The following KIRREL3 variants were observed in gnomAD, a reference collection of about 807,000 sequenced individuals.
KIRREL3 encodes kin of IRRE-like protein 3.
KIRREL3 carries 36 observed loss-of-function variants against 89.7 expected under a neutral mutation model. The ratio of observed to expected loss-of-function variants is 0.40; its 90% CI spans 0.31 to 0.53. KIRREL3 has a LOEUF of 0.53. Ranked by LOEUF, KIRREL3 falls within the 20% of genes least tolerant of loss-of-function variation. The pLI is 0.49. For synonymous variants in KIRREL3, 445 were observed against 441.4 expected (o/e 1.01, Z -0.10); for missense variants, 864 against 1,056.6 (o/e 0.82, Z 2.53).
intron 1 of KIRREL3, among the ~76,000 whole-genome samples, chr11:126,836,905 T>A (rs534802008): frequency 6.6e-6 from 1 of 152,274 alleles, no homozygotes; most frequent in East Asian, 1.9e-4. Context: ...AACAAACTTA[T>A]TTGTGTGCTG....
chr11:126,959,071 G>T (rs1446116184), intron 1 of KIRREL3, among the ~76,000 whole-genome samples: 7 of 152,082 alleles, frequency 4.6e-5, no homozygotes, highest in African/African-American at 1.7e-4. Context: ...GAATAAGAGG[G>T]TACTCTTCCT....
chr11:126,639,287 G>A lies in KIRREL3; in HGVS notation c.56-76375C>T, dbSNP rs1204725262. On this transcript the variant is annotated intron_variant, in intron 1 of 16. Coordinates refer to ENST00000525144, the MANE Select transcript of KIRREL3 (RefSeq NM_032531.4). The surrounding 1 kb of genome is among the most constrained non-coding windows in gnomAD (Gnocchi z 4.3). Reference sequence around the variant, plus strand: ...CTTACATATTGACTGAATCAGGCCTGTCTCCAATGAAGATCTAGGCAGCTA... The same window carrying A: ...CTTACATATTGACTGAATCAGGCCTATCTCCAATGAAGATCTAGGCAGCTA... 6.6e-6 allele frequency among the ~76,000 whole-genome samples: 1 copy of A among 152,200 alleles called. No individual in the cohort carries two copies. Among genetic ancestry groups the A allele is most frequent in the Non-Finnish European group, 1.5e-5 (1 of 68,038 alleles).
intron 2 of KIRREL3, among the ~76,000 whole-genome samples, chr11:126,532,554 T>G (rs1958975916): frequency 6.6e-6 from 1 of 152,096 alleles, no homozygotes; most frequent in African/African-American, 2.4e-5. Flanking sequence ...TTTTGTATTT[T>G]TAGTAGAGAC....
intron 1 of KIRREL3, among the ~76,000 whole-genome samples, chr11:126,586,235 C>T (rs192422999): frequency 3.5e-4 from 54 of 152,332 alleles, no homozygotes; most frequent in Admixed American, 7.8e-4. Context: ...GGCCACTCCT[C>T]ATGTGTCCTT....
intron 2 of KIRREL3, among the ~76,000 whole-genome samples, chr11:126,556,719 A>G (rs535069565): frequency 2.0e-4 from 31 of 152,292 alleles, no homozygotes; most frequent in Non-Finnish European, 3.8e-4. Flanking sequence ...GAGGTAGGAA[A>G]GGTGGCTGGA....
Position 126,946,320 on chromosome 11 carries a change from T to A in KIRREL3, c.55+54135A>T, listed in dbSNP as rs1948618850. On this transcript the variant is annotated intron_variant, in intron 1 of 16. Transcript: ENST00000525144. The surrounding 1 kb of genome is among the most constrained non-coding windows in gnomAD (Gnocchi z 4.1). ...ACTCTTGTCATCTGGAAGGGAAGATTTGGTTGCTACAACATGCCACCATAC... is the reference window on the plus strand; with the variant it reads ...ACTCTTGTCATCTGGAAGGGAAGATATGGTTGCTACAACATGCCACCATAC... Among the ~76,000 whole-genome samples the A allele has an allele frequency of 6.6e-6, 1 of 152,188 alleles. No homozygotes were observed. Among genetic ancestry groups the A allele is most frequent in the Admixed American group, 6.5e-5 (1 of 15,284 alleles).
chr11:126,970,289 G>T lies in KIRREL3; in HGVS notation c.55+30166C>A, dbSNP rs1052268834. ...TTCTTAATTTGAGCTTTCTCAGGAA[G>T]TTCTCTTCTTTTCCTTCTTTTCTTC... On this transcript the variant is annotated intron_variant, in intron 1 of 16. Transcript: ENST00000525144. The surrounding 1 kb of genome is among the most constrained non-coding windows in gnomAD (Gnocchi z 4.4). Among the ~76,000 whole-genome samples, 1 of 152,118 alleles carries T rather than the reference G, an allele frequency of 6.6e-6. No individual in the cohort carries two copies. The highest frequency in any genetic ancestry group is 2.4e-5 in the African/African-American group (1 of 41,402).
chr11:126,440,925 A>C (rs1955539626), intron 10 of KIRREL3: 1 of 283,648 alleles, frequency 3.5e-6, no homozygotes, highest in African/African-American at 2.2e-5. Flanking sequence ...AAGCCTGCAG[A>C]GGGGGTGGGG....
rs1212560426 is a variant in KIRREL3 at position 126,608,590 on chromosome 11, C to T, written c.56-45678G>A. Among the ~76,000 whole-genome samples the T allele has an allele frequency of 1.3e-5, 2 of 152,202 alleles. No individual in the cohort carries two copies. On this transcript the variant is annotated intron_variant, in intron 1 of 16. Transcript: ENST00000525144. The surrounding 1 kb of genome is among the most constrained non-coding windows in gnomAD (Gnocchi z 4.9). Reference sequence around the variant, plus strand: ...GGCTCCCTTAATCACGAGCTGCTTTCTTCTGAGCTCAATAATCACCCTGGA... The same window carrying T: ...GGCTCCCTTAATCACGAGCTGCTTTTTTCTGAGCTCAATAATCACCCTGGA...
chr11:126,580,626 T>C (rs1455682666), intron 1 of KIRREL3, among the ~76,000 whole-genome samples: 1 of 152,128 alleles, frequency 6.6e-6, no homozygotes, highest in Non-Finnish European at 1.5e-5. Flanking sequence ...CCATGTGCTG[T>C]CTGGCACATT....
rs150912161 is a variant in KIRREL3 at position 126,768,133 on chromosome 11, TATCCATCCATCC to T, written c.56-205233_56-205222del. Among the ~76,000 whole-genome samples the T allele has an allele frequency of 7.8e-5, 10 of 127,546 alleles. No homozygotes were observed. In the South Asian group the frequency reaches 1.2e-3, roughly 16 times the overall value. The allele number at this position is 127,546 out of a possible 152,430, so 83.7% of individuals were successfully genotyped here. On this transcript the variant is annotated intron_variant, in intron 1 of 16. Transcript: ENST00000525144. The surrounding 1 kb of genome is among the most constrained non-coding windows in gnomAD (Gnocchi z 4.5). The stretch of plus-strand genomic sequence containing the variant: ...CTGTCCATCCATCTGTCTATCCATC[TATCCATCCATCC>T]ATCCATCCATCCATCCATCCATCCA...
rs1941268461 is a variant in KIRREL3, at chr11:126,576,602, C to A, written c.56-13690G>T. The stretch of plus-strand genomic sequence containing the variant: ...ATCTCCATCTTCAAAATGCTGTCAC[C>A]AAACCCTCTCTCAGGCTGGCAGTGT... On this transcript the variant is annotated intron_variant, in intron 1 of 16. Coordinates refer to ENST00000525144, the MANE Select transcript of KIRREL3 (RefSeq NM_032531.4). The surrounding 1 kb of genome is among the most constrained non-coding windows in gnomAD (Gnocchi z 5.4). Among the ~76,000 whole-genome samples the A allele has an allele frequency of 6.6e-6, 1 of 152,212 alleles. No individual in the cohort carries two copies. Among genetic ancestry groups the A allele is most frequent in the African/African-American group, 2.4e-5 (1 of 41,456 alleles).
chr11:126,821,352 T>G (rs1943216435), intron 1 of KIRREL3, among the ~76,000 whole-genome samples: 1 of 90,930 alleles, frequency 1.1e-5, no homozygotes, highest in African/African-American at 4.9e-5. Flanking sequence ...TATATATATA[T>G]GTAACTTCCA....
rs1950810752 is a variant in KIRREL3 at position 126,796,360 on chromosome 11, T to C, written c.55+204095A>G. ...GACCCAGGGCATCAGGGCTGGGGAT[T>C]GTCTTGGATGGAAGGATCTCATTCT... On this transcript the variant is annotated intron_variant, in intron 1 of 16. Coordinates refer to ENST00000525144, the MANE Select transcript of KIRREL3 (RefSeq NM_032531.4). This position sits in a 1 kb window ranked among gnomAD's most constrained non-coding sequence, Gnocchi z 5.1. 6.6e-6 allele frequency among the ~76,000 whole-genome samples: 1 copy of C among 152,102 alleles called. No individual in the cohort carries two copies. The highest frequency in any genetic ancestry group is 2.4e-5 in the African/African-American group (1 of 41,428).
Position 126,969,258 on chromosome 11 carries a change from C to T in KIRREL3, c.55+31197G>A, listed in dbSNP as rs1949364401. ...CTGACACAATAGACATGGAGTGCCT[C>T]CCATGGACACAGGGAATGAAGGGAT... On this transcript the variant is annotated intron_variant, in intron 1 of 16. Coordinates refer to ENST00000525144, the MANE Select transcript of KIRREL3 (RefSeq NM_032531.4). The surrounding 1 kb of genome is among the most constrained non-coding windows in gnomAD (Gnocchi z 4.9). 6.6e-6 allele frequency among the ~76,000 whole-genome samples: 1 copy of T among 152,130 alleles called. No individual in the cohort carries two copies. The highest frequency in any genetic ancestry group is 6.5e-5 in the Admixed American group (1 of 15,282).
chr11:126,634,695 C>T (rs1255482134), intron 1 of KIRREL3, among the ~76,000 whole-genome samples: 2 of 152,326 alleles, frequency 1.3e-5, no homozygotes, highest in African/African-American at 2.4e-5. Context: ...AAGAGTGCAT[C>T]GGGTGGAATG....
chr11:126,698,492 G>A (rs7949796), intron 1 of KIRREL3, among the ~76,000 whole-genome samples: 1 of 152,070 alleles, frequency 6.6e-6, no homozygotes, highest in Non-Finnish European at 1.5e-5. Context: ...CTGGAGAGAC[G>A]ACAGGTCAGG....
In KIRREL3 at chr11:126,879,898, A is replaced by C. The variant is rs1395619398; in HGVS notation, c.55+120557T>G. ...CTTTTGTGCTCCCATTTCAGAACAGACCATTCCCCCACCACCCCGCCGCCA... is the reference window on the plus strand; with the variant it reads ...CTTTTGTGCTCCCATTTCAGAACAGCCCATTCCCCCACCACCCCGCCGCCA... On this transcript the variant is annotated intron_variant, in intron 1 of 16. Transcript: ENST00000525144. This position sits in a 1 kb window ranked among gnomAD's most constrained non-coding sequence, Gnocchi z 5.4. Among the ~76,000 whole-genome samples, 3 of 152,094 alleles carry C rather than the reference A, an allele frequency of 2.0e-5. No homozygotes were observed. The highest frequency in any genetic ancestry group is 4.4e-5 in the Non-Finnish European group (3 of 68,024).
Position 126,891,075 on chromosome 11 carries a change from C to A in KIRREL3, c.55+109380G>T, listed in dbSNP as rs569896659. On this transcript the variant is annotated intron_variant, in intron 1 of 16. Transcript: ENST00000525144. This position sits in a 1 kb window ranked among gnomAD's most constrained non-coding sequence, Gnocchi z 5.1. ...AGTTTGCCCTTAGATCTTCAGCCTGCCAAAGAGGTGGGCTTTTGAAGCTAC... is the reference window on the plus strand; with the variant it reads ...AGTTTGCCCTTAGATCTTCAGCCTGACAAAGAGGTGGGCTTTTGAAGCTAC... Among the ~76,000 whole-genome samples, 1 of 152,322 alleles carries A rather than the reference C, an allele frequency of 6.6e-6. No individual in the cohort carries two copies. The highest frequency in any genetic ancestry group is 2.1e-4 in the South Asian group (1 of 4,824).
Sources: allele counts gnomAD v4.1 joint callset (sites outside exome capture counted in the v4.1 genomes callset), GRCh38; gene constraint gnomAD v4.1.1; non-coding constraint Gnocchi (gnomAD v3.1); transcripts MANE v1.5; gene names NCBI Gene and HGNC (gene_info 2026-07-23, HGNC 2026-07-21).